The following KCNH7 variants were observed in gnomAD, a reference collection of about 807,000 sequenced individuals.
KCNH7 encodes potassium voltage-gated channel subfamily H member 7.
A neutral mutation model predicts 120.8 loss-of-function variants in KCNH7; 49 were observed. The observed-to-expected ratio is 0.41, with a 90% confidence interval of 0.32 to 0.51. The LOEUF (loss-of-function observed/expected upper bound fraction) is 0.51, where lower values mean the gene tolerates loss of function less well. KCNH7 is among the 20% of genes least tolerant of loss of function. KCNH7 has a pLI of 0.38. For synonymous variants in KCNH7, 547 were observed against 516.1 expected (o/e 1.06, Z -0.81); for missense variants, 1,097 against 1,446.6 (o/e 0.76, Z 3.92).
intron 2 of KCNH7, among the ~76,000 whole-genome samples, chr2:162,725,043 G>T (rs1449740427): frequency 6.6e-6 from 1 of 152,164 alleles, no homozygotes; most frequent in Non-Finnish European, 1.5e-5. Flanking sequence ...GAAAAAGAAA[G>T]TTCGTAAGTC....
intron 2 of KCNH7, among the ~76,000 whole-genome samples, chr2:162,729,221 A>G (rs898184223): frequency 1.4e-5 from 2 of 141,086 alleles, no homozygotes; most frequent in Non-Finnish European, 3.0e-5. Context: ...GCTGGAGTGC[A>G]GTGGCGCGAT....
chr2:162,796,832 G>C (rs1364398736), intron 2 of KCNH7: 2 of 151,718 alleles, frequency 1.3e-5, no homozygotes, highest in Non-Finnish European at 2.9e-5. Context: ...ACCTGTTTTT[G>C]GTTAATCTTG....
Position 162,470,131 on chromosome 2 carries a change from C to T in KCNH7, c.1129-23688G>A, listed in dbSNP as rs1235318584. Among the ~76,000 whole-genome samples, 11 of 152,256 alleles carry T rather than the reference C, an allele frequency of 7.2e-5. No individual in the cohort carries two copies. The East Asian group carries it at 1.5e-3, about 21-fold the overall frequency. On this transcript the variant is annotated intron_variant, in intron 6 of 15. Transcript: ENST00000332142. ...TGCAGCCTCTACCCGGCCGCCACCCCGTCTGGGAAGTGAGGAGTGTCTCTG... is the reference window on the plus strand; with the variant it reads ...TGCAGCCTCTACCCGGCCGCCACCCTGTCTGGGAAGTGAGGAGTGTCTCTG...
chr2:162,471,772 A>G (rs538577708), intron 6 of KCNH7, among the ~76,000 whole-genome samples: 3 of 152,342 alleles, frequency 2.0e-5, no homozygotes, highest in African/African-American at 7.2e-5. Flanking sequence ...AAGAGCCTGC[A>G]CTGCCAAGTC....
intron 2 of KCNH7, among the ~76,000 whole-genome samples, chr2:162,542,763 C>G (rs1157359036): frequency 1.3e-5 from 2 of 151,948 alleles, no homozygotes; most frequent in Admixed American, 1.3e-4. Flanking sequence ...TGGGTATATA[C>G]CCAGTAATGG....
At chr2:162,813,425 G>A (rs1445723202) in intron 2 of KCNH7, among the ~76,000 whole-genome samples, 5 of 152,184 alleles carry the variant, frequency 3.3e-5, no homozygotes, top group Non-Finnish European at 7.4e-5. Context: ...TAGAGGAGGT[G>A]TAAAATACCA....
At chr2:162,419,247 A>G (rs899665981) in intron 9 of KCNH7, among the ~76,000 whole-genome samples, 3 of 149,550 alleles carry the variant, frequency 2.0e-5, no homozygotes, top group Non-Finnish European at 4.4e-5. Flanking sequence ...TCTGTCTCTC[A>G]AAATTTCCTC....
chr2:162,705,124 TAAC>T (rs1686652506), intron 2 of KCNH7, among the ~76,000 whole-genome samples: 1 of 152,158 alleles, frequency 6.6e-6, no homozygotes, highest in Non-Finnish European at 1.5e-5. Flanking sequence ...ATATATTTCA[TAAC>T]AACTTGGAAA....
chr2:162,409,638 A>C (rs1687328046), intron 9 of KCNH7, among the ~76,000 whole-genome samples: 1 of 152,030 alleles, frequency 6.6e-6, no homozygotes, highest in South Asian at 2.1e-4. Flanking sequence ...AATAAGTCAA[A>C]CTATCTGTCT....
At chr2:162,578,545 G>A (rs549445648) in intron 2 of KCNH7, among the ~76,000 whole-genome samples, 1 of 152,068 alleles carries the variant, frequency 6.6e-6, no homozygotes, top group South Asian at 2.1e-4. Context: ...GGCAGATGAG[G>A]GTAGAGCATG....
At chr2:162,561,052 C>G (rs1430398416) in intron 2 of KCNH7, among the ~76,000 whole-genome samples, 4 of 148,384 alleles carry the variant, frequency 2.7e-5, no homozygotes, top group East Asian at 3.9e-4. Context: ...ATGAAATAAC[C>G]TTTTTTTTTT....
At chr2:162,459,958 G>A (rs1043605942) in intron 6 of KCNH7, among the ~76,000 whole-genome samples, 2 of 152,042 alleles carry the variant, frequency 1.3e-5, no homozygotes, top group Non-Finnish European at 2.9e-5. Flanking sequence ...GCTGGGCGTG[G>A]TGGCGCATGC....
chr2:162,750,270 C>T (rs1021400865), intron 2 of KCNH7, among the ~76,000 whole-genome samples: 1 of 151,364 alleles, frequency 6.6e-6, no homozygotes, highest in African/African-American at 2.4e-5. Context: ...TGAAGGGAGA[C>T]AGAAAGCACA....
At chr2:162,652,677 G>T (rs971474142) in intron 2 of KCNH7, among the ~76,000 whole-genome samples, 1 of 152,166 alleles carries the variant, frequency 6.6e-6, no homozygotes, top group Non-Finnish European at 1.5e-5. Context: ...CTGCTGTGTG[G>T]TCCAGTTCCT....
intron 2 of KCNH7, among the ~76,000 whole-genome samples, chr2:162,776,572 G>A (rs960372312): frequency 1.3e-4 from 20 of 152,152 alleles, no homozygotes; most frequent in African/African-American, 4.6e-4. Context: ...GGAGAAAGAG[G>A]AGCTATTAAG....
chr2:162,608,797 C>G (rs1682866179), intron 2 of KCNH7, among the ~76,000 whole-genome samples: 1 of 152,160 alleles, frequency 6.6e-6, no homozygotes, highest in South Asian at 2.1e-4. Context: ...CCTCATACAC[C>G]TGGCAATTCA....
At chr2:162,479,584 G>A (rs2105675585) in intron 6 of KCNH7, among the ~76,000 whole-genome samples, 1 of 151,966 alleles carries the variant, frequency 6.6e-6, no homozygotes, top group East Asian at 1.9e-4. Flanking sequence ...ATACTCATAA[G>A]ATGAAAAGGA....
chr2:162,623,304 A>C (rs1327611641), intron 2 of KCNH7, among the ~76,000 whole-genome samples: 1 of 152,204 alleles, frequency 6.6e-6, no homozygotes, highest in African/African-American at 2.4e-5. Flanking sequence ...GTTTGCCTAG[A>C]GATACTACAT....
At chr2:162,595,219 A>G (rs1017658786) in intron 2 of KCNH7, among the ~76,000 whole-genome samples, 6 of 152,032 alleles carry the variant, frequency 3.9e-5, no homozygotes, top group Non-Finnish European at 8.8e-5. Context: ...ACAGGGTGCC[A>G]GAATGGAGTA....
Sources: allele counts gnomAD v4.1 joint callset (sites outside exome capture counted in the v4.1 genomes callset), GRCh38; gene constraint gnomAD v4.1.1; transcripts MANE v1.5; gene names NCBI Gene and HGNC (gene_info 2026-07-23, HGNC 2026-07-21).